The following GAN variants were observed in gnomAD, a reference collection of about 807,000 sequenced individuals.
GAN encodes gigaxonin.
In GAN, 48 loss-of-function variants were observed where a neutral mutation model predicts 71.3. That is an observed-to-expected ratio of 0.67 (90% CI 0.53 to 0.86). The LOEUF (loss-of-function observed/expected upper bound fraction) is 0.86. Among genes scored for constraint, GAN ranks in the 40% least tolerant of loss-of-function variants. The pLI is 0.00. For missense variants in GAN, 928 were observed against 770.1 expected (o/e 1.21, Z -2.43); for synonymous variants, 386 against 276.8 (o/e 1.39, Z -3.92).
chr16:81,363,623 C>T (rs1275840076), intron 6 of GAN, among the ~76,000 whole-genome samples, 171 bp from the exon 7 acceptor site: 1 of 152,192 alleles, frequency 6.6e-6, no homozygotes, highest in African/African-American at 2.4e-5. Flanking sequence ...GCGTCGTACC[C>T]AATAGTTAGT....
At chr16:81,369,614 C>T (rs148098842) in intron 9 of GAN, among the ~76,000 whole-genome samples, 225 of 152,116 alleles carry the variant, frequency 1.5e-3, no homozygotes, top group African/African-American at 5.3e-3. Context: ...TTTTTTGAGA[C>T]GGAGTCTCAC....
intron 9 of GAN, among the ~76,000 whole-genome samples, chr16:81,376,346 C>G (rs1904279578): frequency 6.6e-6 from 1 of 151,988 alleles, no homozygotes; most frequent in African/African-American, 2.4e-5. Flanking sequence ...TGGGGCTGGA[C>G]TCTGTGGCTT....
At chr16:81,327,047 A>T (rs1305712097) in intron 1 of GAN, among the ~76,000 whole-genome samples, 1 of 152,254 alleles carries the variant, frequency 6.6e-6, no homozygotes, top group East Asian at 1.9e-4. Context: ...ACCATTTTGC[A>T]ACAGAGTTTA....
rs1009308691 is a variant in GAN at position 81,383,172 on chromosome 16, A to G, written c.*5576A>G. ...GATTTTTAAACCCCTTCCCCTTTTC[A>G]TGAAATTAAACATCAAATAAATAAA... On this transcript the variant is annotated 3_prime_UTR_variant, in exon 11 of 11. Transcript: ENST00000648994. 6.7e-6 allele frequency: 1 copy of G among 149,788 alleles called. No homozygotes were observed. Among genetic ancestry groups the G allele is most frequent in the African/African-American group, 2.5e-5 (1 of 40,632 alleles). The allele number at this position is 149,788 out of a possible 1,614,324, so 9.3% of individuals were successfully genotyped here.
At position 81,387,825 on chromosome 16, in the gene GAN, T is replaced by C. The variant is rs906564509; in HGVS notation, c.*10229T>C. On this transcript the variant is annotated 3_prime_UTR_variant, in exon 11 of 11. Transcript: ENST00000648994. ...AGGGGGACTCTGTCTCACAAAAAAATAAAAAATTAAAAAAAAAGGTCTGCT... is the reference window on the plus strand; with the variant it reads ...AGGGGGACTCTGTCTCACAAAAAAACAAAAAATTAAAAAAAAAGGTCTGCT... 6 of 149,540 alleles carry C rather than the reference T, an allele frequency of 4.0e-5. No individual in the cohort carries two copies. The East Asian group carries it at 7.8e-4, about 20-fold the overall frequency. The allele number at this position is 149,540 out of a possible 1,614,324, so 9.3% of individuals were successfully genotyped here.
At chr16:81,372,270 G>A (rs560798359) in intron 9 of GAN, among the ~76,000 whole-genome samples, 8 of 152,254 alleles carry the variant, frequency 5.3e-5, no homozygotes, top group East Asian at 1.9e-4. Flanking sequence ...CTTGTTCATT[G>A]CAAAAATTAG....
At chr16:81,342,359 C>G (rs1280129865) in intron 1 of GAN, among the ~76,000 whole-genome samples, 1 of 152,162 alleles carries the variant, frequency 6.6e-6, no homozygotes, top group Non-Finnish European at 1.5e-5. Context: ...TGCACTTATT[C>G]TAAAATTGAC....
rs144737448 is a variant in GAN, at chr16:81,362,689, C to G, written c.1086+78C>G. 9.3e-6 allele frequency: 8 copies of G among 856,426 alleles called. No individual in the cohort carries two copies. The Admixed American group carries it at 1.4e-4, about 15-fold the overall frequency. 53.1% of individuals were successfully genotyped at this position (856,426 alleles called of 1,614,324 possible). On this transcript the variant is annotated intron_variant, in intron 6 of 10. Transcript: ENST00000648994. ...CTTCTGTTTGTTTTGTGTCTGAGTT[C>G]AGGGAAGAAACGGCAGCCTTGTCAA...
At position 81,381,800 on chromosome 16, in the gene GAN, C is replaced by G. The variant is rs1437135624; in HGVS notation, c.*4204C>G. On this transcript the variant is annotated 3_prime_UTR_variant, in exon 11 of 11. Transcript: ENST00000648994. ...TAATGTTCTTCTGTTGAAAAGGGCA[C>G]TCCAAGAGTGACTGATTTTACTGGG... 6.6e-6 allele frequency: 1 copy of G among 152,208 alleles called. No individual in the cohort carries two copies. Among genetic ancestry groups the G allele is most frequent in the Non-Finnish European group, 1.5e-5 (1 of 68,050 alleles). The allele number at this position is 152,208 out of a possible 1,614,324, so 9.4% of individuals were successfully genotyped here.
intron 1 of GAN, among the ~76,000 whole-genome samples, chr16:81,327,069 T>C (rs915422442): frequency 6.6e-6 from 1 of 152,184 alleles, no homozygotes. Context: ...AGTCTTACTT[T>C]TGGACTGTTT....
chr16:81,375,039 G>A (rs996029768), intron 9 of GAN, among the ~76,000 whole-genome samples: 46 of 152,106 alleles, frequency 3.0e-4, no homozygotes, highest in African/African-American at 9.4e-4. Context: ...AAAAATCTTC[G>A]TATTGGGGTA....
At position 81,322,472 on chromosome 16, in the gene GAN, G is replaced by A. The variant is rs114749612; in HGVS notation, c.167+7192G>A. 1.3e-3 allele frequency among the ~76,000 whole-genome samples: 194 copies of A among 152,298 alleles called. 1 individual carries two copies. The highest frequency in any genetic ancestry group is 4.4e-3 in the African/African-American group (181 of 41,556). ...GCGTATCATAAATGGAAGATAGGAGGACTAGTTTTTAAAAGTTGACTGTTG... is the reference window on the plus strand; with the variant it reads ...GCGTATCATAAATGGAAGATAGGAGAACTAGTTTTTAAAAGTTGACTGTTG... On this transcript the variant is annotated intron_variant, in intron 1 of 10. Coordinates refer to ENST00000648994, the MANE Select transcript of GAN (RefSeq NM_022041.4).
chr16:81,336,777 G>A (rs1273782189), intron 1 of GAN, among the ~76,000 whole-genome samples: 1 of 151,964 alleles, frequency 6.6e-6, no homozygotes, highest in Non-Finnish European at 1.5e-5. Flanking sequence ...CATGCCAGAA[G>A]CTTTATTTTT....
At chr16:81,351,434 A>G (rs1054133028) in intron 1 of GAN, 149 bp from the exon 2 acceptor site, 9 of 619,876 alleles carry the variant, frequency 1.5e-5, no homozygotes, top group East Asian at 2.8e-5. Context: ...TTATAGAAAT[A>G]CATAGACCTA....
At chr16:81,366,452 A>G (rs902609043) in intron 9 of GAN, among the ~76,000 whole-genome samples, 1 of 152,204 alleles carries the variant, frequency 6.6e-6, no homozygotes, top group Non-Finnish European at 1.5e-5. Flanking sequence ...TTCTTATTGC[A>G]GTAATATGTT....
At chr16:81,352,611 A>T (rs1910336591) in intron 2 of GAN, among the ~76,000 whole-genome samples, 1 of 151,998 alleles carries the variant, frequency 6.6e-6, no homozygotes, top group East Asian at 1.9e-4. Flanking sequence ...CATATTTTCT[A>T]AGTATTCTGA....
chr16:81,338,689 G>A (rs1276642252), intron 1 of GAN, among the ~76,000 whole-genome samples: 3 of 152,210 alleles, frequency 2.0e-5, no homozygotes, highest in African/African-American at 7.2e-5. Context: ...GGGAGAATAA[G>A]ACAAGTTTGT....
chr16:81,338,336 C>T (rs927971209), intron 1 of GAN, among the ~76,000 whole-genome samples: 1 of 152,094 alleles, frequency 6.6e-6, no homozygotes, highest in Non-Finnish European at 1.5e-5. Context: ...CTGTAGCCTC[C>T]TGAGGTGGGG....
At chr16:81,345,314 C>T (rs557043226) in intron 1 of GAN, among the ~76,000 whole-genome samples, 4 of 152,206 alleles carry the variant, frequency 2.6e-5, no homozygotes, top group African/African-American at 9.6e-5. Flanking sequence ...ATGTTTGATG[C>T]GGCACTATTC....
Sources: gnomAD v4.1 joint callset for allele counts (sites outside exome capture counted in the v4.1 genomes callset) on GRCh38, gnomAD v4.1.1 for gene constraint, MANE v1.5 for transcripts, NCBI Gene and HGNC (gene_info 2026-07-23, HGNC 2026-07-21) for gene names.